Variants in SLC4A10 observed in about 807,000 individuals in gnomAD.
SLC4A10 encodes the protein sodium-driven chloride bicarbonate exchanger.
In SLC4A10, 42 loss-of-function variants were observed where a neutral mutation model predicts 137.7. The observed-to-expected ratio is 0.30, with a 90% CI of 0.24 to 0.39. The LOEUF (loss-of-function observed/expected upper bound fraction) is 0.39. Among genes scored for constraint, SLC4A10 ranks in the 10% least tolerant of loss-of-function variants. SLC4A10 has a pLI of 1.00. For synonymous variants in SLC4A10, 474 were observed against 464.1 expected (o/e 1.02, Z -0.27); for missense variants, 925 against 1,355.0 (o/e 0.68, Z 4.98).
intron 1 of SLC4A10, among the ~76,000 whole-genome samples, chr2:161,687,031 G>A (rs780330301): frequency 5.3e-5 from 8 of 151,944 alleles, no homozygotes; most frequent in African/African-American, 9.6e-5. Context: ...ATAGGCACAC[G>A]CCACCATGCC....
At chr2:161,891,733 G>A (rs1162074829) in intron 10 of SLC4A10, among the ~76,000 whole-genome samples, 1 of 151,900 alleles carries the variant, frequency 6.6e-6, no homozygotes, top group Admixed American at 6.6e-5. Flanking sequence ...CTTGCATTGG[G>A]TTAGAACATG....
intron 15 of SLC4A10, among the ~76,000 whole-genome samples, chr2:161,933,798 G>A (rs1442144175): frequency 6.6e-6 from 1 of 152,112 alleles, no homozygotes; most frequent in African/African-American, 2.4e-5. Context: ...TGGGAATGCA[G>A]ATATCTCTTC....
intron 2 of SLC4A10, among the ~76,000 whole-genome samples, chr2:161,771,438 G>T (rs1296275833): frequency 1.3e-5 from 2 of 151,828 alleles, no homozygotes; most frequent in Non-Finnish European, 2.9e-5. Flanking sequence ...CTCAGCCTAT[G>T]TTGTCAGAGG....
intron 15 of SLC4A10, among the ~76,000 whole-genome samples, chr2:161,916,069 C>G (rs1361154354): frequency 6.6e-6 from 1 of 152,202 alleles, no homozygotes; most frequent in Non-Finnish European, 1.5e-5. Flanking sequence ...GAGACCAACC[C>G]TGTTGGCACC....
At chr2:161,950,099 A>G (rs886325997) in intron 18 of SLC4A10, among the ~76,000 whole-genome samples, 7 of 151,966 alleles carry the variant, frequency 4.6e-5, no homozygotes, top group African/African-American at 1.7e-4. Flanking sequence ...CTCTGCTGTG[A>G]CCAAGTATCT....
intron 1 of SLC4A10, among the ~76,000 whole-genome samples, chr2:161,685,377 G>T (rs948821271): frequency 3.3e-5 from 5 of 152,178 alleles, no homozygotes; most frequent in African/African-American, 1.2e-4. Flanking sequence ...AGGCCGAGGT[G>T]GGTGGATTAT....
chr2:161,886,005 G>A (rs767412533), intron 10 of SLC4A10, among the ~76,000 whole-genome samples: 1 of 151,950 alleles, frequency 6.6e-6, no homozygotes, highest in Non-Finnish European at 1.5e-5. Context: ...AGGGTGAGGT[G>A]GGCGGATCAC....
At chr2:161,680,379 A>T (rs1214044691) in intron 1 of SLC4A10, among the ~76,000 whole-genome samples, 3 of 152,162 alleles carry the variant, frequency 2.0e-5, no homozygotes, top group Non-Finnish European at 4.4e-5. Context: ...AGGTAAACAT[A>T]TAGCAAAACC....
Position 161,983,335 on chromosome 2 carries a change from C to G in SLC4A10, c.*183C>G. The G allele has an allele frequency of 8.2e-7, 1 of 1,218,624 alleles. No homozygotes were observed. The highest frequency in any genetic ancestry group is 1.1e-6 in the Non-Finnish European group (1 of 872,754). The allele number at this position is 1,218,624 out of a possible 1,614,324, so 75.5% of individuals were successfully genotyped here. ...TTTGATCATGTATTGTAAATTCTGT[C>G]CCTCAACCCAAATCCACCTTCATAC... On this transcript the variant is annotated 3_prime_UTR_variant, in exon 27 of 27. Coordinates refer to ENST00000446997, the MANE Select transcript of SLC4A10 (RefSeq NM_001178015.2).
In SLC4A10 at chr2:161,841,164, G is replaced by A. The variant is rs1336462122; in HGVS notation, c.416+1237G>A. Among the ~76,000 whole-genome samples the A allele has an allele frequency of 1.7e-4, 26 of 152,018 alleles. 1 individual carries two copies. The highest frequency in any genetic ancestry group is 1.7e-3 in the Admixed American group (26 of 15,242). On this transcript the variant is annotated intron_variant, in intron 4 of 26. Transcript: ENST00000446997. The stretch of plus-strand genomic sequence containing the variant: ...GAGATCTTGGCTCATTGCAACCTCT[G>A]CCTCCCTGGTTCAAGCCATTCTCCT...
chr2:161,948,092 C>A (rs960656975), intron 17 of SLC4A10, among the ~76,000 whole-genome samples: 1 of 152,052 alleles, frequency 6.6e-6, no homozygotes, highest in Non-Finnish European at 1.5e-5. Context: ...GGGGAAGCCC[C>A]GGCAAGACTC....
At chr2:161,762,883 G>A (rs1256652943) in intron 1 of SLC4A10, among the ~76,000 whole-genome samples, 2 of 151,910 alleles carry the variant, frequency 1.3e-5, no homozygotes, top group African/African-American at 2.4e-5. Flanking sequence ...CTTAGGTCAT[G>A]TTTATAAAAT....
chr2:161,977,217 T>C (rs2105990685), intron 25 of SLC4A10: 1 of 290,788 alleles, frequency 3.4e-6, no homozygotes, highest in Admixed American at 4.3e-5. Context: ...ACTCCTTTAT[T>C]TTCCCTTTTT....
intron 2 of SLC4A10, among the ~76,000 whole-genome samples, chr2:161,791,012 T>G (rs1041672703): frequency 2.6e-5 from 4 of 152,166 alleles, no homozygotes; most frequent in Non-Finnish European, 5.9e-5. Context: ...CTTTACACTA[T>G]TGGTGGAAAC....
chr2:161,708,415 A>G (rs1475922695), intron 1 of SLC4A10, among the ~76,000 whole-genome samples: 2 of 151,568 alleles, frequency 1.3e-5, no homozygotes, highest in Non-Finnish European at 3.0e-5. Context: ...GACTGAAAAA[A>G]TTCAACTCTC....
chr2:161,678,195 T>C (rs2040467948), intron 1 of SLC4A10, among the ~76,000 whole-genome samples: 1 of 152,188 alleles, frequency 6.6e-6, no homozygotes, highest in Non-Finnish European at 1.5e-5. Flanking sequence ...CTGGCTTAGA[T>C]AATGAATCTG....
chr2:161,772,148 C>T (rs1418196370), intron 2 of SLC4A10, among the ~76,000 whole-genome samples: 2 of 151,704 alleles, frequency 1.3e-5, no homozygotes, highest in East Asian at 1.9e-4. Flanking sequence ...ACTGGGGGGG[C>T]CTATTGATTT....
chr2:161,976,936 A>G (rs1699477259), intron 25 of SLC4A10, 60 bp downstream of exon 25: 5 of 895,040 alleles, frequency 5.6e-6, no homozygotes, highest in East Asian at 2.8e-5. Context: ...GACATAAACC[A>G]TAAGCAAAAG....
At chr2:161,772,733 G>T (rs1009111924) in intron 2 of SLC4A10, among the ~76,000 whole-genome samples, 1 of 151,822 alleles carries the variant, frequency 6.6e-6, no homozygotes, top group Admixed American at 6.6e-5. Flanking sequence ...TTACAATTTT[G>T]AAGGAAAACA....
Sources: allele counts gnomAD v4.1 joint callset (sites outside exome capture counted in the v4.1 genomes callset), GRCh38; gene constraint gnomAD v4.1.1; transcripts MANE v1.5; gene names NCBI Gene and HGNC (gene_info 2026-07-23, HGNC 2026-07-21).